KIRREL3: variants seen among roughly 807,000 people sequenced by gnomAD.
KIRREL3 encodes the protein kirre like nephrin family adhesion molecule 3, also known as kin of IRRE-like protein 3.
KIRREL3 carries 36 observed loss-of-function variants against 89.7 expected under a neutral mutation model. That is an observed-to-expected ratio of 0.40 (90% CI 0.31 to 0.53). KIRREL3 has a LOEUF of 0.53. Ranked by LOEUF, KIRREL3 falls within the 20% of genes least tolerant of loss-of-function variation. KIRREL3 has a pLI of 0.49. For synonymous variants in KIRREL3, 445 were observed against 441.4 expected (o/e 1.01, Z -0.10); for missense variants, 864 against 1,056.6 (o/e 0.82, Z 2.53).
chr11:126,961,298 A>G (rs1949079011), intron 1 of KIRREL3, among the ~76,000 whole-genome samples: 1 of 152,262 alleles, frequency 6.6e-6, no homozygotes, highest in Non-Finnish European at 1.5e-5. Flanking sequence ...TGTGCCGAAT[A>G]GTCAGCCAAG....
chr11:126,724,426 T>C lies in KIRREL3; in HGVS notation c.56-161514A>G, dbSNP rs1948296953. ...TATCTCTTATGGACAAGATGCAGAG[T>C]GAGTGAGCCAGCAGATGGACACCCT... is the stretch of plus-strand genomic sequence containing the variant. On this transcript the variant is annotated intron_variant, in intron 1 of 16. Coordinates refer to ENST00000525144, the MANE Select transcript of KIRREL3 (RefSeq NM_032531.4). The surrounding 1 kb of genome is among the most constrained non-coding windows in gnomAD (Gnocchi z 4.3). Among the ~76,000 whole-genome samples, 1 of 151,978 alleles carries C rather than the reference T, an allele frequency of 6.6e-6. No individual in the cohort carries two copies. Among genetic ancestry groups the C allele is most frequent in the African/African-American group, 2.4e-5 (1 of 41,370 alleles).
At chr11:126,425,121 A>T (rs1954891339) in intron 16 of KIRREL3, 98 bp from the exon 17 acceptor site, 1 of 1,186,184 alleles carries the variant, frequency 8.4e-7, no homozygotes, top group Middle Eastern at 2.0e-4. Context: ...GCGGGGAGGG[A>T]AGAGGGAAAA....
intron 1 of KIRREL3, among the ~76,000 whole-genome samples, chr11:126,939,158 GAGGAGGGTGGTAAAA>G (rs1317412797): frequency 6.6e-6 from 1 of 152,204 alleles, no homozygotes; most frequent in Non-Finnish European, 1.5e-5. Context: ...ATTGGACTTA[GAGGAGGGTGGTAAAA>G]ACCAGTTCAG....
rs1356194361 is a variant in KIRREL3, at chr11:126,522,110, G to A, written c.284-646C>T. Among the ~76,000 whole-genome samples, 1 of 152,130 alleles carries A rather than the reference G, an allele frequency of 6.6e-6. No homozygotes were observed. Among genetic ancestry groups the A allele is most frequent in the Non-Finnish European group, 1.5e-5 (1 of 68,030 alleles). On this transcript the variant is annotated intron_variant, in intron 3 of 16. Transcript: ENST00000525144. This position sits in a 1 kb window ranked among gnomAD's most constrained non-coding sequence, Gnocchi z 6.0. ...GAGCCACTGTTAGAAAGGAAAGAGG[G>A]AGAAGAGATGGAAATGCTAAGCGTG...
chr11:126,552,114 A>G (rs759826255), intron 2 of KIRREL3, among the ~76,000 whole-genome samples: 5 of 152,314 alleles, frequency 3.3e-5, no homozygotes, highest in Middle Eastern at 3.4e-3. Context: ...CCTTCATTTT[A>G]TAACCCATTT....
intron 1 of KIRREL3, among the ~76,000 whole-genome samples, chr11:126,618,935 G>A (rs569235195): frequency 3.9e-5 from 6 of 152,296 alleles, no homozygotes; most frequent in South Asian, 2.1e-4. Context: ...TATTTAATAC[G>A]TGTCCACTGT....
At chr11:126,529,602 CA>C (rs57667466) in intron 2 of KIRREL3, among the ~76,000 whole-genome samples, 29,296 of 111,582 alleles carry the variant, frequency 0.26, 2,955 homozygotes, top group African/African-American at 0.29. Flanking sequence ...GACTCGGTCT[CA>C]AAAAAAAAAA....
At chr11:126,479,375 G>A (rs1198673382) in intron 4 of KIRREL3, among the ~76,000 whole-genome samples, 1 of 152,186 alleles carries the variant, frequency 6.6e-6, no homozygotes, top group Non-Finnish European at 1.5e-5. Flanking sequence ...GGCTATGATA[G>A]CTGAGTGAAG....
At chr11:126,649,584 C>T (rs1344747350) in intron 1 of KIRREL3, among the ~76,000 whole-genome samples, 1 of 152,220 alleles carries the variant, frequency 6.6e-6, no homozygotes, top group Admixed American at 6.5e-5. Context: ...AAAATGATCT[C>T]CTTTGACTCC....
At chr11:126,857,789 G>GGAGC (rs1555062436) in intron 1 of KIRREL3, among the ~76,000 whole-genome samples, 1 of 61,144 alleles carries the variant, frequency 1.6e-5, no homozygotes, top group South Asian at 8.0e-4. Context: ...CTGTGGGGGT[G>GGAGC]GGGTGGGTGA....
intron 1 of KIRREL3, among the ~76,000 whole-genome samples, chr11:126,956,035 T>G (rs1948912618): frequency 6.6e-6 from 1 of 152,198 alleles, no homozygotes; most frequent in Non-Finnish European, 1.5e-5. Flanking sequence ...CTCTCAGGGT[T>G]GTTTTCTGTC....
Position 126,537,427 on chromosome 11 carries a change from G to T in KIRREL3, c.134-10740C>A, listed in dbSNP as rs1210028778. On this transcript the variant is annotated intron_variant, in intron 2 of 16. Coordinates refer to ENST00000525144, the MANE Select transcript of KIRREL3 (RefSeq NM_032531.4). The surrounding 1 kb of genome is among the most constrained non-coding windows in gnomAD (Gnocchi z 4.3). ...CTTCAAGCAAGGGAGTTGTGGGGAG[G>T]AAGCAGAGAAGGCATCCTGGAGGAG... Among the ~76,000 whole-genome samples, 1 of 152,200 alleles carries T rather than the reference G, an allele frequency of 6.6e-6. No individual in the cohort carries two copies. The highest frequency in any genetic ancestry group is 1.5e-5 in the Non-Finnish European group (1 of 68,036).
chr11:126,478,795 ATG>A (rs923609520), intron 4 of KIRREL3, among the ~76,000 whole-genome samples: 6 of 151,878 alleles, frequency 4.0e-5, no homozygotes, highest in Non-Finnish European at 5.9e-5. Flanking sequence ...GTGTGCATGC[ATG>A]TGTGTGTGCA....
At chr11:126,810,526 T>C (rs1951347108) in intron 1 of KIRREL3, among the ~76,000 whole-genome samples, 1 of 152,116 alleles carries the variant, frequency 6.6e-6, no homozygotes, top group African/African-American at 2.4e-5. Flanking sequence ...AACATGCTCC[T>C]CTCGTTAGGT....
In KIRREL3 at chr11:126,553,833, A is replaced by G. The variant is rs1251950608; in HGVS notation, c.133+9002T>C. ...AAACCTAAACACAGAGGCCTCTACCATTGTTCATTTTTTTCCATCACTATT... is the reference window on the plus strand; with the variant it reads ...AAACCTAAACACAGAGGCCTCTACCGTTGTTCATTTTTTTCCATCACTATT... On this transcript the variant is annotated intron_variant, in intron 2 of 16. Coordinates refer to ENST00000525144, the MANE Select transcript of KIRREL3 (RefSeq NM_032531.4). The surrounding 1 kb of genome is among the most constrained non-coding windows in gnomAD (Gnocchi z 4.7). Among the ~76,000 whole-genome samples the G allele has an allele frequency of 6.6e-6, 1 of 152,128 alleles. No individual in the cohort carries two copies. Among genetic ancestry groups the G allele is most frequent in the African/African-American group, 2.4e-5 (1 of 41,414 alleles).
rs1938341585 is a variant in KIRREL3, at chr11:126,541,217, G to C, written c.134-14530C>G. Among the ~76,000 whole-genome samples, 1 of 152,176 alleles carries C rather than the reference G, an allele frequency of 6.6e-6. No individual in the cohort carries two copies. The highest frequency in any genetic ancestry group is 1.5e-5 in the Non-Finnish European group (1 of 68,030). On this transcript the variant is annotated intron_variant, in intron 2 of 16. Transcript: ENST00000525144. This position sits in a 1 kb window ranked among gnomAD's most constrained non-coding sequence, Gnocchi z 4.8. ...GTACTGTATGGACACATGAAGCTTT[G>C]TCCTTGTCCTGGGCCCAGAAGGTAC...
intron 2 of KIRREL3, among the ~76,000 whole-genome samples, chr11:126,552,558 T>TG (rs1939360281): frequency 1.3e-5 from 1 of 75,282 alleles, no homozygotes; most frequent in Non-Finnish European, 2.8e-5. Flanking sequence ...AAGTTTTTTT[T>TG]TTTTTTTTTT....
rs1425738981 is a variant in KIRREL3 at position 126,628,839 on chromosome 11, T to G, written c.56-65927A>C. 6.6e-6 allele frequency among the ~76,000 whole-genome samples: 1 copy of G among 152,174 alleles called. No individual in the cohort carries two copies. The highest frequency in any genetic ancestry group is 1.5e-5 in the Non-Finnish European group (1 of 68,034). ...CGCTCTGCCTGTGCAGGGTCCATCC[T>G]GAGGAGAGTCTGAGCAACTGAGGAT... On this transcript the variant is annotated intron_variant, in intron 1 of 16. Coordinates refer to ENST00000525144, the MANE Select transcript of KIRREL3 (RefSeq NM_032531.4). The surrounding 1 kb of genome is among the most constrained non-coding windows in gnomAD (Gnocchi z 5.2).
intron 7 of KIRREL3, among the ~76,000 whole-genome samples, chr11:126,452,758 G>A (rs1031771385): frequency 2.6e-5 from 4 of 152,156 alleles, no homozygotes; most frequent in South Asian, 2.1e-4. Flanking sequence ...GACCGGAGCC[G>A]CTGTCGGGGC....
Sources: gnomAD v4.1 joint callset for allele counts (sites outside exome capture counted in the v4.1 genomes callset) on GRCh38, gnomAD v4.1.1 for gene constraint, Gnocchi (gnomAD v3.1) non-coding constraint, MANE v1.5 for transcripts, NCBI Gene and HGNC (gene_info 2026-07-23, HGNC 2026-07-21) for gene names.